Variants in SPIDR observed in about 807,000 individuals in gnomAD.
SPIDR encodes DNA repair-scaffolding protein.
In SPIDR, 93 loss-of-function variants were observed where a neutral mutation model predicts 104.6. That is an observed-to-expected ratio of 0.89 (90% CI 0.75 to 1.06). SPIDR has a LOEUF of 1.06. Ranked by LOEUF, SPIDR falls within the 50% of genes least tolerant of loss-of-function variation. The pLI is 0.00. For missense variants in SPIDR, 1,154 were observed against 1,111.2 expected, an observed-to-expected ratio of 1.04 and a Z score of -0.55; for synonymous variants, 431 against 416.9, an observed-to-expected ratio of 1.03 and a Z score of -0.41.
rs138822387 is a variant in SPIDR at position 47,339,675 on chromosome 8, C to T, written c.525+45645C>T. On this transcript the variant is annotated intron_variant, in intron 5 of 19. Transcript: ENST00000297423. The stretch of plus-strand genomic sequence containing the variant: ...ATGTTGAGCATAACATAACTGTTTA[C>T]AATCTTTTTTTTTTTTTTTTTTGAG... Among the ~76,000 whole-genome samples, 148 of 148,410 alleles carry T rather than the reference C, an allele frequency of 1.0e-3. 4 individuals are homozygous for T. The East Asian group carries it at 0.029, about 29-fold the overall frequency.
chr8:47,408,223 A>G (rs562323025), intron 7 of SPIDR, among the ~76,000 whole-genome samples: 2 of 152,216 alleles, frequency 1.3e-5, no homozygotes, highest in South Asian at 2.1e-4. Flanking sequence ...ATTTTGTTCT[A>G]TTCTTATCAT....
intron 8 of SPIDR, among the ~76,000 whole-genome samples, chr8:47,515,081 G>A (rs931565096): frequency 6.6e-6 from 1 of 152,130 alleles, no homozygotes; most frequent in Non-Finnish European, 1.5e-5. Context: ...GCAGGGTAGG[G>A]GATGGAAATG....
At chr8:47,524,538 G>A (rs375109007) in intron 8 of SPIDR, among the ~76,000 whole-genome samples, 48 of 152,286 alleles carry the variant, frequency 3.2e-4, no homozygotes, top group African/African-American at 1.1e-3. Flanking sequence ...CAGCATTTGC[G>A]TGTGTCCCTC....
chr8:47,357,293 G>A (rs1353160968), intron 5 of SPIDR, among the ~76,000 whole-genome samples: 1 of 152,188 alleles, frequency 6.6e-6, no homozygotes, highest in African/African-American at 2.4e-5. Flanking sequence ...TTGGTATGAA[G>A]AAAGGAAAAT....
chr8:47,565,488 T>C (rs1446033196), intron 8 of SPIDR, among the ~76,000 whole-genome samples: 1 of 152,180 alleles, frequency 6.6e-6, no homozygotes. Context: ...GTTTAAATAT[T>C]ACCATTAAAA....
chr8:47,318,004 C>G (rs1392778489), intron 5 of SPIDR, among the ~76,000 whole-genome samples: 2 of 152,104 alleles, frequency 1.3e-5, no homozygotes, highest in Non-Finnish European at 2.9e-5. Context: ...AAAAACAGAG[C>G]AGAAAAACTG....
intron 8 of SPIDR, among the ~76,000 whole-genome samples, chr8:47,498,218 A>G (rs1489925787): frequency 6.6e-6 from 1 of 152,112 alleles, no homozygotes; most frequent in Non-Finnish European, 1.5e-5. Context: ...TGGCAGTGAT[A>G]GGCCAAAGGG....
intron 5 of SPIDR, among the ~76,000 whole-genome samples, chr8:47,315,720 A>G (rs1340963096): frequency 1.3e-5 from 2 of 152,184 alleles, no homozygotes; most frequent in African/African-American, 4.8e-5. Context: ...CAGATAACTG[A>G]TAAATTATTT....
At chr8:47,282,372 C>T (rs1384317202) in intron 2 of SPIDR, among the ~76,000 whole-genome samples, 2 of 152,270 alleles carry the variant, frequency 1.3e-5, no homozygotes, top group Admixed American at 6.5e-5. Context: ...TAATATAAGG[C>T]TCTTTCATCT....
intron 8 of SPIDR, among the ~76,000 whole-genome samples, chr8:47,526,158 T>C (rs996629382): frequency 6.6e-6 from 1 of 152,220 alleles, no homozygotes; most frequent in African/African-American, 2.4e-5. Flanking sequence ...CAGGCTCAGC[T>C]TCCTCACACT....
At chr8:47,511,508 T>G (rs779979092) in intron 8 of SPIDR, 1 of 780,668 alleles carries the variant, frequency 1.3e-6, no homozygotes, top group Non-Finnish European at 2.4e-6. Flanking sequence ...CTTCTGTGGA[T>G]AGACTCCAGA....
rs536337096 is a variant in SPIDR at position 47,567,408 on chromosome 8, G to A, written c.1098-28403G>A. ...CTAATTTTGTATTTTTAGTAGAGACGGGGTTTCTCCATGTTGGTCAGGCAG... is the reference window on the plus strand; with the variant it reads ...CTAATTTTGTATTTTTAGTAGAGACAGGGTTTCTCCATGTTGGTCAGGCAG... On this transcript the variant is annotated intron_variant, in intron 8 of 19. Coordinates refer to ENST00000297423, the MANE Select transcript of SPIDR (RefSeq NM_001080394.4). 2.8e-3 allele frequency among the ~76,000 whole-genome samples: 420 copies of A among 151,672 alleles called. 1 individual carries two copies. Among genetic ancestry groups the A allele is most frequent in the African/African-American group, 9.9e-3 (409 of 41,348 alleles).
intron 7 of SPIDR, among the ~76,000 whole-genome samples, chr8:47,424,323 T>G (rs1641676221): frequency 6.6e-6 from 1 of 152,216 alleles, no homozygotes; most frequent in Non-Finnish European, 1.5e-5. Context: ...TTTATTTTTT[T>G]GAGTAGGGTC....
chr8:47,553,364 G>A (rs904450768), intron 8 of SPIDR, among the ~76,000 whole-genome samples: 3 of 152,098 alleles, frequency 2.0e-5, no homozygotes, highest in Admixed American at 6.6e-5. Context: ...CATTCTCCCC[G>A]TCACTTTCAG....
chr8:47,610,753 A>G (rs2063503109), intron 10 of SPIDR, among the ~76,000 whole-genome samples: 2 of 152,218 alleles, frequency 1.3e-5, no homozygotes, highest in Non-Finnish European at 2.9e-5. Flanking sequence ...ATTATACATG[A>G]ACAGATGCCC....
chr8:47,395,991 GAAATACT>G (rs1554658093), intron 5 of SPIDR, among the ~76,000 whole-genome samples: 1 of 152,164 alleles, frequency 6.6e-6, no homozygotes, highest in Non-Finnish European at 1.5e-5. Context: ...CAAAATCCAA[GAAATACT>G]TTCTTTCCAG....
At chr8:47,495,001 G>C (rs757960316) in intron 8 of SPIDR, among the ~76,000 whole-genome samples, 51 of 152,080 alleles carry the variant, frequency 3.4e-4, no homozygotes, top group Non-Finnish European at 6.9e-4. Context: ...ATAAGACAGG[G>C]CCACCCCAGT....
intron 8 of SPIDR, among the ~76,000 whole-genome samples, chr8:47,575,488 A>C (rs2058974771): frequency 6.8e-6 from 1 of 147,692 alleles, no homozygotes; most frequent in African/African-American, 2.5e-5. Context: ...CTAAAAATAC[A>C]AAAAAAAAAT....
chr8:47,732,990 G>C (rs566069091), intron 19 of SPIDR, among the ~76,000 whole-genome samples: 2 of 152,204 alleles, frequency 1.3e-5, no homozygotes, highest in Non-Finnish European at 1.5e-5. Flanking sequence ...TTTTAAAAGA[G>C]AGCACATTTT....
Sources: allele counts gnomAD v4.1 joint callset (sites outside exome capture counted in the v4.1 genomes callset), GRCh38; gene constraint gnomAD v4.1.1; transcripts MANE v1.5; gene names NCBI Gene and HGNC (gene_info 2026-07-23, HGNC 2026-07-21).